The following GRM8 variants were observed in gnomAD, a reference collection of about 807,000 sequenced individuals.
GRM8 encodes the protein glutamate metabotropic receptor 8, also known as metabotropic glutamate receptor 8.
GRM8 carries 47 observed loss-of-function variants against 87.2 expected under a neutral mutation model. The observed-to-expected ratio is 0.54, with a 90% CI of 0.43 to 0.69. The LOEUF (loss-of-function observed/expected upper bound fraction) is 0.69. Ranked by LOEUF, GRM8 falls within the 30% of genes least tolerant of loss-of-function variation. GRM8 has a pLI of 0.00. For synonymous variants in GRM8, 396 were observed against 404.5 expected, an observed-to-expected ratio of 0.98 and a Z score of 0.25; for missense variants, 1,019 against 1,139.2, an observed-to-expected ratio of 0.89 and a Z score of 1.52.
chr7:126,611,535 T>TC (rs1798912155), intron 7 of GRM8, among the ~76,000 whole-genome samples: 1 of 152,228 alleles, frequency 6.6e-6, no homozygotes, highest in Non-Finnish European at 1.5e-5. Context: ...AACACGTATG[T>TC]TGAGAATTTC....
intron 7 of GRM8, among the ~76,000 whole-genome samples, chr7:126,749,544 T>C (rs1401723086): frequency 1.3e-5 from 2 of 149,990 alleles, no homozygotes; most frequent in African/African-American, 2.4e-5. Context: ...AAACAAATAT[T>C]ACATATTTTT....
At chr7:126,727,062 ATACT>A (rs1813069756) in intron 7 of GRM8, among the ~76,000 whole-genome samples, 1 of 152,134 alleles carries the variant, frequency 6.6e-6, no homozygotes, top group South Asian at 2.1e-4. Flanking sequence ...AATTCTATAC[ATACT>A]TACGTGTATT....
chr7:126,585,417 C>A (rs1023933544), intron 8 of GRM8, among the ~76,000 whole-genome samples: 1 of 152,118 alleles, frequency 6.6e-6, no homozygotes, highest in East Asian at 1.9e-4. Context: ...TTAAACAACA[C>A]GAAATCCACC....
chr7:126,726,177 T>G (rs551443345), intron 7 of GRM8, among the ~76,000 whole-genome samples: 1 of 152,022 alleles, frequency 6.6e-6, no homozygotes, highest in South Asian at 2.1e-4. Context: ...AATAGTAAAC[T>G]CCATGCCATC....
rs1562878002 is a variant in GRM8, at chr7:126,492,385, A to G, written c.2430+40567T>C. Among the ~76,000 whole-genome samples, 5 of 152,030 alleles carry G rather than the reference A, an allele frequency of 3.3e-5. No homozygotes were observed. In the South Asian group the frequency reaches 1.0e-3, roughly 31 times the overall value. ...CTGTTTATGTGCTAGGAACTGTACTAAGATTTTTACATTATCTTAATTTAA... is the reference window on the plus strand; with the variant it reads ...CTGTTTATGTGCTAGGAACTGTACTGAGATTTTTACATTATCTTAATTTAA... On this transcript the variant is annotated intron_variant, in intron 9 of 10. Coordinates refer to ENST00000339582, the MANE Select transcript of GRM8 (RefSeq NM_000845.3).
chr7:127,024,785 C>T (rs188454272), intron 3 of GRM8, among the ~76,000 whole-genome samples: 1 of 152,108 alleles, frequency 6.6e-6, no homozygotes, highest in East Asian at 1.9e-4. Flanking sequence ...TTTCACATGG[C>T]TGGGTCCTTC....
chr7:126,450,742 T>C (rs899109775), intron 9 of GRM8, among the ~76,000 whole-genome samples: 2 of 151,864 alleles, frequency 1.3e-5, no homozygotes, highest in African/African-American at 4.8e-5. Context: ...CCCCTAGCAA[T>C]TGAAAATTGC....
chr7:126,986,836 T>C (rs1267623524), intron 3 of GRM8, among the ~76,000 whole-genome samples: 1 of 152,238 alleles, frequency 6.6e-6, no homozygotes, highest in Non-Finnish European at 1.5e-5. Context: ...AGTGCTTCTA[T>C]ATTTGTATGA....
intron 6 of GRM8, among the ~76,000 whole-genome samples, chr7:126,833,068 G>A (rs905304828): frequency 6.6e-6 from 1 of 152,188 alleles, no homozygotes; most frequent in African/African-American, 2.4e-5. Flanking sequence ...TAACCCTGCA[G>A]AAACATAAGG....
At chr7:127,056,971 G>C (rs143929536) in intron 3 of GRM8, among the ~76,000 whole-genome samples, 1 of 152,266 alleles carries the variant, frequency 6.6e-6, no homozygotes, top group East Asian at 1.9e-4. Context: ...ATGTAGTGAA[G>C]CAGCTTTGTG....
intron 8 of GRM8, among the ~76,000 whole-genome samples, chr7:126,578,630 A>G (rs1329581442): frequency 6.6e-6 from 1 of 152,178 alleles, no homozygotes; most frequent in African/African-American, 2.4e-5. Flanking sequence ...GTCATGCTGC[A>G]GAGGTGTACT....
chr7:127,227,398 C>G (rs1353167510), intron 2 of GRM8, among the ~76,000 whole-genome samples: 8 of 152,196 alleles, frequency 5.3e-5, no homozygotes, highest in Admixed American at 5.2e-4. Context: ...TCCATCCAAC[C>G]ATTCTAGACT....
chr7:127,077,668 T>A (rs1334242904), intron 3 of GRM8, among the ~76,000 whole-genome samples: 1 of 152,208 alleles, frequency 6.6e-6, no homozygotes, highest in Non-Finnish European at 1.5e-5. Flanking sequence ...AACTGACCAG[T>A]AGACATGCCC....
intron 9 of GRM8, among the ~76,000 whole-genome samples, chr7:126,492,669 A>T (rs1808159608): frequency 6.6e-6 from 1 of 152,082 alleles, no homozygotes; most frequent in African/African-American, 2.4e-5. Flanking sequence ...AAGAATTAAG[A>T]TTCAACCCAT....
intron 7 of GRM8, among the ~76,000 whole-genome samples, chr7:126,611,722 T>A (rs1798930889): frequency 6.6e-6 from 1 of 152,192 alleles, no homozygotes; most frequent in African/African-American, 2.4e-5. Context: ...TTTTTTACAA[T>A]AACAGTACCT....
At chr7:126,562,090 C>T (rs963965016) in intron 8 of GRM8, among the ~76,000 whole-genome samples, 2 of 151,832 alleles carry the variant, frequency 1.3e-5, no homozygotes, top group African/African-American at 2.4e-5. Flanking sequence ...TTCCCCTATA[C>T]CCTGATATCT....
chr7:126,647,364 A>G (rs1302073825), intron 7 of GRM8, among the ~76,000 whole-genome samples: 1 of 150,672 alleles, frequency 6.6e-6, no homozygotes. Context: ...GATAGATATA[A>G]ATAGATATAT....
At chr7:126,588,677 G>T (rs1796390220) in intron 8 of GRM8, among the ~76,000 whole-genome samples, 1 of 152,128 alleles carries the variant, frequency 6.6e-6, no homozygotes, top group African/African-American at 2.4e-5. Flanking sequence ...AGCATGTGGA[G>T]ATACATCATG....
At chr7:127,245,876 A>G (rs1798561681) in intron 1 of GRM8, among the ~76,000 whole-genome samples, 1 of 152,242 alleles carries the variant, frequency 6.6e-6, no homozygotes, top group Admixed American at 6.5e-5. Flanking sequence ...TAAAGGTGAT[A>G]GAACCTGCCA....
Sources: gnomAD v4.1 joint callset for allele counts (sites outside exome capture counted in the v4.1 genomes callset) on GRCh38, gnomAD v4.1.1 for gene constraint, MANE v1.5 for transcripts, NCBI Gene and HGNC (gene_info 2026-07-23, HGNC 2026-07-21) for gene names.